Variants in PDE3A observed in about 807,000 individuals in gnomAD.
PDE3A encodes the protein phosphodiesterase 3A.
In PDE3A, 43 loss-of-function variants were observed where a neutral mutation model predicts 98.3. The ratio of observed to expected loss-of-function variants is 0.44; its 90% confidence interval spans 0.34 to 0.56. The LOEUF is 0.56. Among genes scored for constraint, PDE3A ranks in the 20% least tolerant of loss-of-function variants. The probability of loss-of-function intolerance (pLI) is 0.01; values close to 1 mark genes in which losing one functional copy is unlikely to be tolerated. For synonymous variants in PDE3A, 663 were observed against 567.9 expected, an observed-to-expected ratio of 1.17 and a Z score of -2.38; for missense variants, 1,427 against 1,440.7, an observed-to-expected ratio of 0.99 and a Z score of 0.15.
intron 2 of PDE3A, among the ~76,000 whole-genome samples, chr12:20,588,443 T>C (rs144305308): frequency 3.3e-5 from 5 of 152,308 alleles, no homozygotes; most frequent in Non-Finnish European, 5.9e-5. Flanking sequence ...CAATTAGGAC[T>C]ATAATGTGAT....
In PDE3A at chr12:20,552,624, AT is replaced by A. The variant is rs1431628137; in HGVS notation, c.961-4035del. The A allele has an allele frequency of 8.1e-6, 13 of 1,613,884 alleles. No homozygotes were observed. In the East Asian group the frequency reaches 2.7e-4, roughly 33 times the overall value. On this transcript the variant is annotated intron_variant, in intron 1 of 15. Transcript: ENST00000359062. This position sits in a 1 kb window ranked among gnomAD's most constrained non-coding sequence, Gnocchi z 5.1. ...GCAGGGCCGGGTCCCCGCGCCGGAC[AT>A]CCAAGAAAACCAAGGTGGAGCCCTA...
At chr12:20,577,383 T>C (rs1394868833) in intron 2 of PDE3A, among the ~76,000 whole-genome samples, 1 of 152,154 alleles carries the variant, frequency 6.6e-6, no homozygotes. Flanking sequence ...ATTCACCCGG[T>C]AGATAATAAA....
chr12:20,506,118 GTGTGTGTGTGTA>G (rs1946113869), intron 1 of PDE3A, among the ~76,000 whole-genome samples: 2 of 151,608 alleles, frequency 1.3e-5, no homozygotes, highest in African/African-American at 4.9e-5. Flanking sequence ...GTGTGTGTGT[GTGTGTGTGTGTA>G]TGTGTGTGTA....
intron 1 of PDE3A, among the ~76,000 whole-genome samples, chr12:20,431,627 ACACACGCACG>A (rs1474983753): frequency 6.7e-6 from 1 of 149,014 alleles, no homozygotes; most frequent in African/African-American, 2.4e-5. Context: ...ACACACGCAC[ACACACGCACG>A]CACAAATGCA....
At chr12:20,582,974 CA>C (rs1233025281) in intron 2 of PDE3A, among the ~76,000 whole-genome samples, 1 of 152,158 alleles carries the variant, frequency 6.6e-6, no homozygotes, top group African/African-American at 2.4e-5. Context: ...TTCCAAGGAA[CA>C]ATTTAAAAAT....
intron 2 of PDE3A, among the ~76,000 whole-genome samples, chr12:20,589,362 A>C (rs1943268581): frequency 1.3e-5 from 2 of 152,172 alleles, no homozygotes; most frequent in African/African-American, 4.8e-5. Flanking sequence ...GTTGCTGTAA[A>C]TTATATTGTT....
chr12:20,645,753 G>C (rs1944761951), intron 10 of PDE3A, among the ~76,000 whole-genome samples: 1 of 152,010 alleles, frequency 6.6e-6, no homozygotes, highest in African/African-American at 2.4e-5. Flanking sequence ...ATGGCATTAT[G>C]ACCAGATGGC....
rs1944786624 is a variant in PDE3A at position 20,646,781 on chromosome 12, T to C, written c.2396T>C (p.Met799Thr). Reference protein sequence around the residue: ...DSDSGFTHGHMGYVFSKTYNV... With the variant: ...DSDSGFTHGHTGYVFSKTYNV... Reference sequence around the variant, plus strand: ...GACAGTGGATTTACACATGGACATATGGGATATGTATTCTCAAAAACGTAT... The same window carrying C: ...GACAGTGGATTTACACATGGACATACGGGATATGTATTCTCAAAAACGTAT... Residue 799 changes from methionine (M) to threonine (T), a missense_variant, in exon 12 of 16, where the codon ATG becomes ACG. By Grantham distance (81) the Met-to-Thr change is moderately conservative. Transcript: ENST00000359062. 6.2e-7 allele frequency: 1 copy of C among 1,609,392 alleles called. No homozygotes were observed. Among genetic ancestry groups the C allele is most frequent in the African/African-American group, 1.3e-5 (1 of 74,822 alleles).
intron 1 of PDE3A, among the ~76,000 whole-genome samples, chr12:20,520,807 G>C (rs914272786): frequency 1.3e-5 from 2 of 152,176 alleles, no homozygotes; most frequent in Non-Finnish European, 2.9e-5. Flanking sequence ...CCAGAGCCAA[G>C]TGTTGTTCTG....
intron 2 of PDE3A, among the ~76,000 whole-genome samples, chr12:20,563,394 CA>C (rs1353961798): frequency 6.6e-6 from 1 of 151,576 alleles, no homozygotes; most frequent in Non-Finnish European, 1.5e-5. Context: ...CCGTATTTCC[CA>C]GGAATTTGTT....
chr12:20,510,932 A>G (rs1946210517), intron 1 of PDE3A, among the ~76,000 whole-genome samples: 1 of 152,070 alleles, frequency 6.6e-6, no homozygotes, highest in Admixed American at 6.6e-5. Flanking sequence ...TTCTGTGTTA[A>G]GACTAGAAGA....
intron 2 of PDE3A, among the ~76,000 whole-genome samples, chr12:20,564,862 G>A (rs1031397961): frequency 9.9e-5 from 15 of 152,078 alleles, no homozygotes; most frequent in Non-Finnish European, 4.4e-5. Flanking sequence ...TCCATGACAT[G>A]GGCACTACCT....
At chr12:20,562,254 C>T (rs1240963131) in intron 2 of PDE3A, among the ~76,000 whole-genome samples, 2 of 144,150 alleles carry the variant, frequency 1.4e-5, no homozygotes, top group South Asian at 2.2e-4. Flanking sequence ...CGGAGTCCGG[C>T]TCCGTGCCCA....
intron 1 of PDE3A, chr12:20,551,755 C>T (rs1241761876): frequency 3.1e-6 from 5 of 1,611,462 alleles, no homozygotes; most frequent in Admixed American, 1.7e-5. Context: ...GGCGGGAGAG[C>T]GGCTGAGAGA....
intron 2 of PDE3A, among the ~76,000 whole-genome samples, chr12:20,591,561 G>C (rs1293453086): frequency 1.3e-5 from 2 of 152,206 alleles, no homozygotes; most frequent in African/African-American, 4.8e-5. Context: ...TAATGCCGAA[G>C]GCAAATTGCC....
intron 1 of PDE3A, among the ~76,000 whole-genome samples, chr12:20,434,538 A>T (rs190902290): frequency 1.3e-5 from 2 of 152,290 alleles, no homozygotes; most frequent in East Asian, 3.9e-4. Flanking sequence ...ATACCTGTTA[A>T]CAAAAGCAGC....
chr12:20,456,648 G>A (rs1231210758), intron 1 of PDE3A, among the ~76,000 whole-genome samples: 1 of 152,082 alleles, frequency 6.6e-6, no homozygotes, highest in Non-Finnish European at 1.5e-5. Context: ...AAAATTCGCT[G>A]GAAATGCAAT....
chr12:20,432,335 G>A lies in PDE3A; in HGVS notation c.960+62091G>A, dbSNP rs550783448. On this transcript the variant is annotated intron_variant, in intron 1 of 15. Transcript: ENST00000359062. ...GAAATGGGGAGGTGTTAGTCAAAGG[G>A]TATACAGTTTTGGTTATGCAAGATG... Among the ~76,000 whole-genome samples the A allele has an allele frequency of 1.2e-4, 19 of 152,258 alleles. No homozygotes were observed. In the East Asian group the frequency reaches 3.1e-3, roughly 25 times the overall value.
chr12:20,571,810 C>T (rs114176395), intron 2 of PDE3A: 1 of 548,132 alleles, frequency 1.8e-6, no homozygotes, highest in African/African-American at 2.0e-5. Context: ...GAACTTAGAA[C>T]ACTATGCAAA....
Sources: allele counts gnomAD v4.1 joint callset (sites outside exome capture counted in the v4.1 genomes callset), GRCh38; gene constraint gnomAD v4.1.1; non-coding constraint Gnocchi (gnomAD v3.1); transcripts MANE v1.5; gene names NCBI Gene and HGNC (gene_info 2026-07-23, HGNC 2026-07-21).